ACYP2: variants seen among roughly 807,000 people sequenced by gnomAD.
The protein encoded by ACYP2 is acylphosphatase-2.
A neutral mutation model predicts 11.2 loss-of-function variants in ACYP2; 12 were observed. The observed-to-expected ratio is 1.08, with a 90% CI of 0.69 to 1.74. The LOEUF (loss-of-function observed/expected upper bound fraction) is 1.74, where lower values mean the gene tolerates loss of function less well. Ranked by LOEUF, ACYP2 falls within the 40% of genes most tolerant of loss-of-function variation. The pLI is 0.00. For missense variants in ACYP2, 134 were observed against 101.9 expected, an observed-to-expected ratio of 1.31 and a Z score of -1.35; for synonymous variants, 43 against 32.2, an observed-to-expected ratio of 1.33 and a Z score of -1.13.
chr2:54,233,305 CTTT>C (rs1213428258), intron 6 of ACYP2, among the ~76,000 whole-genome samples: 7 of 129,188 alleles, frequency 5.4e-5, no homozygotes, highest in Admixed American at 8.0e-5. Flanking sequence ...CCCTTCCAAA[CTTT>C]TTTTTTTTTT....
At position 54,304,790 on chromosome 2, in the gene ACYP2, T is replaced by C; in HGVS notation, c.507T>C (p.Ser169=). 1.9e-6 allele frequency: 3 copies of C among 1,586,426 alleles called. No homozygotes were observed. Among genetic ancestry groups the C allele is most frequent in the South Asian group, 1.1e-5 (1 of 89,980 alleles). ...CTAAGCTTGAATACTCTAATTTTAG[T>C]ATTAGATACTAATAGAAGAGAAAAA... Residue 169 remains serine (S), a synonymous_variant, in exon 7 of 7, where the codon AGT becomes AGC. Coordinates refer to ENST00000607452, the MANE Select transcript of ACYP2 (RefSeq NM_001320586.2).
chr2:54,046,088 T>C (rs955876728), intron 2 of ACYP2, among the ~76,000 whole-genome samples: 4 of 148,208 alleles, frequency 2.7e-5, no homozygotes, highest in African/African-American at 1.0e-4. Context: ...GAGGATTGCT[T>C]GAGCCCAGCA....
intron 4 of ACYP2, among the ~76,000 whole-genome samples, chr2:54,124,020 C>T (rs1360162140): frequency 3.9e-5 from 6 of 152,064 alleles, no homozygotes; most frequent in Non-Finnish European, 7.4e-5. Context: ...CTGTCACAGT[C>T]GTTCATATAT....
At chr2:54,186,355 G>T (rs1244570815) in intron 6 of ACYP2, among the ~76,000 whole-genome samples, 1 of 152,086 alleles carries the variant, frequency 6.6e-6, no homozygotes, top group East Asian at 1.9e-4. Flanking sequence ...ATTGTAAATT[G>T]GTATGTAAAT....
intron 6 of ACYP2, among the ~76,000 whole-genome samples, chr2:54,172,249 A>G (rs1041222514): frequency 6.6e-6 from 1 of 151,988 alleles, no homozygotes; most frequent in African/African-American, 2.4e-5. Context: ...CCTTCTAACC[A>G]TGGTCATTAA....
At chr2:54,099,765 G>C (rs996060808) in intron 4 of ACYP2, among the ~76,000 whole-genome samples, 1 of 152,136 alleles carries the variant, frequency 6.6e-6, no homozygotes, top group Non-Finnish European at 1.5e-5. Flanking sequence ...ACTTGGGAAT[G>C]CAGATATCTC....
intron 6 of ACYP2, among the ~76,000 whole-genome samples, chr2:54,201,018 T>C (rs1223680000): frequency 6.6e-6 from 1 of 152,242 alleles, no homozygotes; most frequent in Non-Finnish European, 1.5e-5. Context: ...GTTAAAATCC[T>C]TTCATGTGCT....
chr2:54,114,853 A>G (rs1679662096), intron 4 of ACYP2, among the ~76,000 whole-genome samples: 1 of 152,238 alleles, frequency 6.6e-6, no homozygotes, highest in Non-Finnish European at 1.5e-5. Flanking sequence ...TTCAGGCTCA[A>G]TTCCTTCCTG....
chr2:54,262,903 G>A (rs1687844324), intron 6 of ACYP2, among the ~76,000 whole-genome samples: 1 of 152,088 alleles, frequency 6.6e-6, no homozygotes, highest in South Asian at 2.1e-4. Context: ...CTTTGAAGTA[G>A]GAGTAAGATT....
intron 2 of ACYP2, among the ~76,000 whole-genome samples, chr2:54,031,685 C>T (rs1674595400): frequency 6.6e-6 from 1 of 152,134 alleles, no homozygotes; most frequent in Non-Finnish European, 1.5e-5. Flanking sequence ...GTTCTAGATC[C>T]CTGAGGAATC....
At chr2:54,258,163 T>C (rs13411458) in intron 6 of ACYP2, among the ~76,000 whole-genome samples, 2,043 of 152,226 alleles carry the variant, frequency 0.013, 55 homozygotes, top group African/African-American at 0.047. Context: ...ATATTGCACA[T>C]TAGAAAGTTA....
At chr2:54,167,087 A>C (rs1293547582) in intron 6 of ACYP2, 1 of 151,578 alleles carries the variant, frequency 6.6e-6, no homozygotes, top group Non-Finnish European at 1.5e-5. Flanking sequence ...ACCCTTCCTC[A>C]TGACGGCATC....
In ACYP2 at chr2:53,976,651, G is replaced by C. The variant is rs554104879; in HGVS notation, c.62+2841G>C. 6.3e-4 allele frequency among the ~76,000 whole-genome samples: 96 copies of C among 152,262 alleles called. 1 individual carries two copies. The highest frequency in any genetic ancestry group is 2.3e-3 in the African/African-American group (96 of 41,560). On this transcript the variant is annotated intron_variant, in intron 2 of 6. Coordinates refer to ENST00000607452, the MANE Select transcript of ACYP2 (RefSeq NM_001320586.2). The stretch of plus-strand genomic sequence containing the variant: ...ATTTGGGAGGAAAAAAAGAATATTA[G>C]ATCTGAGAAATGTTGAGTTTTTTCT...
At chr2:54,160,005 C>T (rs1682638285) in intron 6 of ACYP2, among the ~76,000 whole-genome samples, 1 of 152,178 alleles carries the variant, frequency 6.6e-6, no homozygotes, top group African/African-American at 2.4e-5. Context: ...TCATTTAGCA[C>T]GGCTGCTGTG....
intron 6 of ACYP2, among the ~76,000 whole-genome samples, chr2:54,214,140 G>T (rs182791532): frequency 6.6e-6 from 1 of 151,986 alleles, no homozygotes; most frequent in African/African-American, 2.4e-5. Context: ...CTGGATATTC[G>T]AGCTTTGTTG....
intron 4 of ACYP2, among the ~76,000 whole-genome samples, chr2:54,080,739 C>T (rs1163825280): frequency 1.3e-5 from 2 of 152,190 alleles, no homozygotes; most frequent in African/African-American, 4.8e-5. Context: ...CCTCCCACCT[C>T]GGCCTCCCAA....
At chr2:54,184,015 GC>G (rs1401244367) in intron 6 of ACYP2, among the ~76,000 whole-genome samples, 1 of 152,106 alleles carries the variant, frequency 6.6e-6, no homozygotes, top group East Asian at 1.9e-4. Context: ...GATGATAGAT[GC>G]TCAACACTTC....
At chr2:54,254,297 T>C (rs1687377384) in intron 6 of ACYP2, 1 of 152,338 alleles carries the variant, frequency 6.6e-6, no homozygotes, top group African/African-American at 2.4e-5. Context: ...AGATCCCTGT[T>C]TATTAGAAAC....
intron 4 of ACYP2, among the ~76,000 whole-genome samples, chr2:54,118,830 T>C (rs527929845): frequency 3.9e-5 from 6 of 152,188 alleles, no homozygotes; most frequent in Non-Finnish European, 7.3e-5. Context: ...TAGTACAAAC[T>C]CACCATCACA....
Sources: allele counts gnomAD v4.1 joint callset (sites outside exome capture counted in the v4.1 genomes callset), GRCh38; gene constraint gnomAD v4.1.1; transcripts MANE v1.5; gene names NCBI Gene and HGNC (gene_info 2026-07-23, HGNC 2026-07-21).